TM2D3: variants seen among roughly 807,000 people sequenced by gnomAD.
TM2D3 encodes the protein TM2 domain containing 3, also known as TM2 domain-containing protein 3.
TM2D3 carries 33 observed loss-of-function variants against 27.3 expected under a neutral mutation model. That is an observed-to-expected ratio of 1.21 (90% confidence interval 0.92 to 1.61). The LOEUF (loss-of-function observed/expected upper bound fraction) is 1.61, where lower values mean the gene tolerates loss of function less well. Ranked by LOEUF, TM2D3 falls within the 40% of genes most tolerant of loss-of-function variation. The pLI is 0.00. For missense variants in TM2D3, 364 were observed against 320.8 expected (o/e 1.13, Z -1.03); for synonymous variants, 138 against 122.2 (o/e 1.13, Z -0.85).
chr15:101,646,789 C>T lies in TM2D3; in HGVS notation c.438G>A (p.Thr146=), dbSNP rs767884378. 424 of 1,614,016 alleles carry T rather than the reference C, an allele frequency of 2.6e-4. 1 individual carries two copies. The South Asian group carries it at 3.1e-3, about 12-fold the overall frequency. Residue 146 remains threonine, a synonymous_variant, in exon 4 of 6, where the codon ACG becomes ACA. Coordinates refer to ENST00000333202, the MANE Select transcript of TM2D3 (RefSeq NM_078474.3). ...YECTNSTSCM[T]VSCPRQRYPA... ...GGTAGCGCTGCCGAGGACAGGACAC[C>T]GTCATGCAGCTGGTGGAGTTGGTAC...
chr15:101,636,138 T>G (rs1896545943), intron 4 of TM2D3: 1 of 152,220 alleles, frequency 6.6e-6, no homozygotes, highest in African/African-American at 2.4e-5. Context: ...ATTATATGAA[T>G]GAACTACATT....
At position 101,642,527 on chromosome 15, in the gene TM2D3, G is replaced by A. The variant is rs774904606; in HGVS notation, c.696C>T (p.Leu232=). The stretch of plus-strand genomic sequence containing the variant: ...CTGGTCCAACATAGCCAACTCCAAT[G>A]AGCAGGACGTCTATCAGCGTCCATA... The part of the protein sequence containing the change: ...LGIWTLIDVL[L]IGVGYVGPAD... Residue 232 remains leucine, a synonymous_variant, in exon 6 of 6, where the codon CTC becomes CTT. Transcript: ENST00000333202. The A allele has an allele frequency of 7.0e-5, 113 of 1,613,468 alleles. No homozygotes were observed. The highest frequency in any genetic ancestry group is 3.2e-4 in the Admixed American group (19 of 59,952).
intron 1 of TM2D3, 128 bp downstream of exon 1, chr15:101,652,143 C>A (rs889051297): frequency 2.2e-6 from 2 of 896,438 alleles, no homozygotes; most frequent in African/African-American, 1.8e-5. Context: ...CAGCGACAAG[C>A]GGCCCGGAGC....
intron 3 of TM2D3, among the ~76,000 whole-genome samples, chr15:101,649,446 T>C (rs1896910533): frequency 6.6e-6 from 1 of 152,156 alleles, no homozygotes; most frequent in East Asian, 1.9e-4. Flanking sequence ...TCTGGTGTTT[T>C]CTGTGGTACT....
At chr15:101,650,878 G>A (rs1175084958) in intron 2 of TM2D3, 2 of 152,180 alleles carry the variant, frequency 1.3e-5, no homozygotes, top group African/African-American at 4.8e-5. Context: ...AAGCCTGCAA[G>A]AGTTAAGAAC....
At chr15:101,633,973 A>G (rs1162285434) in intron 4 of TM2D3, 1 of 375,128 alleles carries the variant, frequency 2.7e-6, no homozygotes, top group East Asian at 3.9e-5. Context: ...CACTCTTAAT[A>G]CAAATAGAAA....
chr15:101,635,965 C>T (rs558174217), intron 4 of TM2D3: 1 of 148,992 alleles, frequency 6.7e-6, no homozygotes, highest in African/African-American at 2.5e-5. Flanking sequence ...TGAGCCGTTT[C>T]TTTTTTTTTA....
chr15:101,646,959 G>GT, intron 3 of TM2D3, 60 bp from the exon 4 acceptor site: 2 of 1,580,172 alleles, frequency 1.3e-6, no homozygotes, highest in Non-Finnish European at 1.7e-6. Context: ...TAAGATGTCA[G>GT]TAAGACTACA....
At chr15:101,651,485 AAG>A (rs1276247378) in intron 2 of TM2D3, 22 of 486,420 alleles carry the variant, frequency 4.5e-5, no homozygotes, top group Non-Finnish European at 6.9e-5. Context: ...GGATTGGAAA[AAG>A]AGAGGAGGCA....
intron 1 of TM2D3, 114 bp from the exon 2 acceptor site, chr15:101,651,887 C>T (rs1896985771): frequency 9.4e-7 from 1 of 1,064,224 alleles, no homozygotes; most frequent in Non-Finnish European, 1.5e-6. Flanking sequence ...CTCATGAAAA[C>T]CTCACGGCTG....
chr15:101,644,855 GA>G (rs1312242527), intron 5 of TM2D3, among the ~76,000 whole-genome samples: 2 of 152,124 alleles, frequency 1.3e-5, no homozygotes, highest in African/African-American at 4.8e-5. Context: ...GGTACATTCA[GA>G]ATGGTAAACG....
At chr15:101,636,915 T>A (rs771970387), downstream of TM2D3, 1 of 443,818 alleles carries the variant, frequency 2.3e-6, no homozygotes, top group South Asian at 1.6e-5. Flanking sequence ...GTGGTCACAG[T>A]GTCGATGAAG....
At position 101,642,002 on chromosome 15, in the gene TM2D3, T is replaced by TAA; in HGVS notation, c.*476_*477insTT. The stretch of plus-strand genomic sequence containing the variant: ...TACATATGTATTACACTGCAAAACT[T>TAA]ACACATGACTGAAGCTGAGCCTAAT... On this transcript the variant is annotated 3_prime_UTR_variant, in exon 6 of 6. Transcript: ENST00000333202. 1 of 985,928 alleles carries TAA rather than the reference T, an allele frequency of 1.0e-6. No homozygotes were observed. The highest frequency in any genetic ancestry group is 1.2e-6 in the Non-Finnish European group (1 of 830,130). The allele number at this position is 985,928 out of a possible 1,614,324, so 61.1% of individuals were successfully genotyped here.
downstream of TM2D3, among the ~76,000 whole-genome samples, chr15:101,638,842 A>G (rs959829677): frequency 3.3e-5 from 5 of 152,212 alleles, no homozygotes; most frequent in African/African-American, 9.6e-5. Context: ...AGATGCTGCA[A>G]TCCAGCTGCA....
intron 5 of TM2D3, 21 bp from the exon 6 acceptor site, chr15:101,642,665 G>C: frequency 1.3e-6 from 2 of 1,569,580 alleles, no homozygotes; most frequent in Non-Finnish European, 1.7e-6. Flanking sequence ...AAACAGACAG[G>C]ATTCCATGAG....
downstream of TM2D3, among the ~76,000 whole-genome samples, chr15:101,639,793 C>T (rs1023431626): frequency 2.0e-5 from 3 of 152,202 alleles, no homozygotes; most frequent in Non-Finnish European, 4.4e-5. Flanking sequence ...GCCACCTCAA[C>T]TGCCAGTCCC....
intron 3 of TM2D3, 110 bp from the exon 4 acceptor site, chr15:101,647,009 G>C: frequency 8.8e-7 from 1 of 1,139,816 alleles, no homozygotes; most frequent in Non-Finnish European, 1.3e-6. Context: ...CTTGTATTTA[G>C]GACCTAGGAG....
In TM2D3 at chr15:101,642,017, C is replaced by T; in HGVS notation, c.*462G>A. 2 of 986,154 alleles carry T rather than the reference C, an allele frequency of 2.0e-6. No individual in the cohort carries two copies. The highest frequency in any genetic ancestry group is 2.4e-6 in the Non-Finnish European group (2 of 830,240). 61.1% of individuals were successfully genotyped at this position (986,154 alleles called of 1,614,324 possible). On this transcript the variant is annotated 3_prime_UTR_variant, in exon 6 of 6. Transcript: ENST00000333202. ...CTGCAAAACTTACACATGACTGAAG[C>T]TGAGCCTAATAACTTCAATTAGCCA...
At chr15:101,642,668 T>A (rs763905782) in intron 5 of TM2D3, 24 bp from the exon 6 acceptor site, 1 of 1,567,632 alleles carries the variant, frequency 6.4e-7, no homozygotes, top group Admixed American at 1.8e-5. Flanking sequence ...CAGACAGGAT[T>A]CCATGAGACC....
Sources: gnomAD v4.1 joint callset for allele counts (sites outside exome capture counted in the v4.1 genomes callset) on GRCh38, gnomAD v4.1.1 for gene constraint, MANE v1.5 for transcripts, NCBI Gene and HGNC (gene_info 2026-07-23, HGNC 2026-07-21) for gene names.